The following GJD4 variants were observed in gnomAD, a reference collection of about 807,000 sequenced individuals.
The protein encoded by GJD4 is gap junction protein delta 4.
Under a neutral mutation model 17.9 loss-of-function variants are expected in GJD4, and 18 were observed. The ratio of observed to expected loss-of-function variants is 1.00; its 90% CI spans 0.69 to 1.49. GJD4 has a LOEUF of 1.49. Among genes scored for constraint, GJD4 ranks in the 40% most tolerant of loss-of-function variants. The probability of loss-of-function intolerance (pLI) is 0.00; values close to 1 mark genes in which losing one functional copy is unlikely to be tolerated. For missense variants in GJD4, 639 were observed against 506.9 expected (o/e 1.26, Z -2.50); for synonymous variants, 293 against 236.8 (o/e 1.24, Z -2.18).
Position 35,607,757 on chromosome 10 carries a change from G to A in GJD4, c.244G>A (p.Gly82Ser). 1 of 1,612,336 alleles carries A rather than the reference G, an allele frequency of 6.2e-7. No individual in the cohort carries two copies. Among genetic ancestry groups the A allele is most frequent in the Non-Finnish European group, 8.5e-7 (1 of 1,180,012 alleles). ...VSHLRFWLIQ[G>S]VCVLLPSAVF... The stretch of plus-strand genomic sequence containing the variant: ...TCACCTGCGGTTCTGGCTGATCCAG[G>A]GCGTGTGCGTCCTCCTCCCCTCCGC... The change falls in exon 2 of 2, where the codon GGC becomes AGC. Residue 82 changes from glycine (G) to serine (S), a missense_variant. By Grantham distance (56) the Gly-to-Ser change is moderately conservative. Transcript: ENST00000321660.
rs903929444 is a variant in GJD4, at chr10:35,608,393, G to T, written c.880G>T (p.Asp294Tyr). The change falls in exon 2 of 2, where the codon GAT becomes TAT. Residue 294 changes from aspartate (D) to tyrosine (Y), a missense_variant. By Grantham distance (160) the Asp-to-Tyr change is radical (BLOSUM62 -3). Coordinates refer to ENST00000321660, the MANE Select transcript of GJD4 (RefSeq NM_153368.3). ...VSGHTKIPDE[D>Y]ESEVTSSASE... ...AGGGCACACGAAGATTCCGGATGAG[G>T]ATGAGAGTGAGGTGACATCCTCCGC... 2 of 1,550,864 alleles carry T rather than the reference G, an allele frequency of 1.3e-6. No individual in the cohort carries two copies. The highest frequency in any genetic ancestry group is 1.7e-6 in the Non-Finnish European group (2 of 1,147,622).
In GJD4 at chr10:35,608,671, C is replaced by G; in HGVS notation, c.*45C>G. On this transcript the variant is annotated 3_prime_UTR_variant, in exon 2 of 2. Coordinates refer to ENST00000321660, the MANE Select transcript of GJD4 (RefSeq NM_153368.3). The stretch of plus-strand genomic sequence containing the variant: ...TGCCCCGGGGCTCACGCCTGTAATC[C>G]CAACACTTTGGGAGGCCCAGGCAGG... 7.2e-7 allele frequency: 1 copy of G among 1,392,284 alleles called. No homozygotes were observed. Among genetic ancestry groups the G allele is most frequent in the Non-Finnish European group, 9.5e-7 (1 of 1,050,498 alleles). The allele number at this position is 1,392,284 out of a possible 1,614,324, so 86.2% of individuals were successfully genotyped here.
chr10:35,608,385 C>T lies in GJD4; in HGVS notation c.872C>T (p.Pro291Leu). The change falls in exon 2 of 2, where the codon CCG (proline) becomes CTG (leucine). Residue 291 changes from proline to leucine, a missense_variant. Coordinates refer to ENST00000321660, the MANE Select transcript of GJD4 (RefSeq NM_153368.3). The stretch of plus-strand genomic sequence containing the variant: ...AGGGTGTCAGGGCACACGAAGATTC[C>T]GGATGAGGATGAGAGTGAGGTGACA... ...TSRVSGHTKI[P>L]DEDESEVTSS... 4 of 1,551,608 alleles carry T rather than the reference C, an allele frequency of 2.6e-6. No individual in the cohort carries two copies. The highest frequency in any genetic ancestry group is 3.5e-6 in the Non-Finnish European group (4 of 1,148,078).
At position 35,608,276 on chromosome 10, in the gene GJD4, G is replaced by A; in HGVS notation, c.763G>A (p.Gly255Ser). The A allele has an allele frequency of 6.4e-7, 1 of 1,563,790 alleles. No homozygotes were observed. Among genetic ancestry groups the A allele is most frequent in the Non-Finnish European group, 8.6e-7 (1 of 1,158,988 alleles). ...GGAGGGACGCCGGACTGACGAGGAG[G>A]GTGGGCGGGAGGAAGAGGGGGCACC... The part of the protein sequence containing the change: ...HAEGRRTDEE[G>S]GREEEGAPAP... Residue 255 changes from glycine to serine, a missense_variant, in exon 2 of 2, where the codon GGT (glycine) becomes AGT (serine). By Grantham distance (56) the Gly-to-Ser change is moderately conservative. Coordinates refer to ENST00000321660, the MANE Select transcript of GJD4 (RefSeq NM_153368.3).
Position 35,608,474 on chromosome 10 carries a change from G to T in GJD4, c.961G>T (p.Asp321Tyr). 1.3e-6 allele frequency: 2 copies of T among 1,549,004 alleles called. No homozygotes were observed. The highest frequency in any genetic ancestry group is 1.7e-6 in the Non-Finnish European group (2 of 1,147,058). ...CAGGCCCCACCGAGAGGCCGCCCAG[G>T]ACCCCAGGGGCTCAGGATCCGAGGA... ...RGRPHREAAQDPRGSGSEEQP... is the reference protein window; with the variant it reads ...RGRPHREAAQYPRGSGSEEQP... Residue 321 changes from aspartate to tyrosine, a missense_variant, in exon 2 of 2, where the codon GAC becomes TAC. Asp to Tyr is a radical substitution (Grantham distance 160, BLOSUM62 -3). Coordinates refer to ENST00000321660, the MANE Select transcript of GJD4 (RefSeq NM_153368.3).
In GJD4 at chr10:35,608,437, A is replaced by G; in HGVS notation, c.924A>G (p.Arg308=). The G allele has an allele frequency of 1.3e-6, 2 of 1,548,410 alleles. No individual in the cohort carries two copies. The highest frequency in any genetic ancestry group is 1.7e-6 in the Non-Finnish European group (2 of 1,146,696). The change falls in exon 2 of 2, where the codon AGA becomes AGG. Residue 308 remains arginine (R), a synonymous_variant. Transcript: ENST00000321660. ...CCTCCGCCAGCGAAAAGCTGGGCAG[A>G]CAGCCCCGGGGCAGGCCCCACCGAG... is the stretch of plus-strand genomic sequence containing the variant. The part of the protein sequence containing the change: ...VTSSASEKLG[R]QPRGRPHREA...
chr10:35,607,648 C>G lies in GJD4; in HGVS notation c.135C>G (p.Tyr45Ter). 1 of 1,614,206 alleles carries G rather than the reference C, an allele frequency of 6.2e-7. No individual in the cohort carries two copies. Among genetic ancestry groups the G allele is most frequent in the Admixed American group, 1.7e-5 (1 of 60,034 alleles). ...TTGTCTTGGCGGGGCGACCCGTCTACCAGGACGAGCAGGAGAGGTTTGTCT... is the reference window on the plus strand; with the variant it reads ...TTGTCTTGGCGGGGCGACCCGTCTAGCAGGACGAGCAGGAGAGGTTTGTCT... ...LVIVLAGRPV[Y>*]QDEQERFVCN... Residue 45 changes from tyrosine to a stop codon, truncating the protein, a stop_gained, in exon 2 of 2, where the codon TAC becomes TAG. Coordinates refer to ENST00000321660, the MANE Select transcript of GJD4 (RefSeq NM_153368.3). LOFTEE classifies it low-confidence loss of function (END_TRUNC).
rs1835492633 is a variant in GJD4 at position 35,608,406 on chromosome 10, T to C, written c.893T>C (p.Val298Ala). ...TKIPDEDESEVTSSASEKLGR... is the reference protein window; with the variant it reads ...TKIPDEDESEATSSASEKLGR... ...ATTCCGGATGAGGATGAGAGTGAGG[T>C]GACATCCTCCGCCAGCGAAAAGCTG... Residue 298 changes from valine to alanine, a missense_variant, in exon 2 of 2, where the codon GTG becomes GCG. Val to Ala is a moderately conservative substitution (Grantham distance 64). Transcript: ENST00000321660. 2 of 1,548,984 alleles carry C rather than the reference T, an allele frequency of 1.3e-6. No individual in the cohort carries two copies. The highest frequency in any genetic ancestry group is 1.4e-5 in the African/African-American group (1 of 72,978).
rs1044061563 is a variant in GJD4 at position 35,607,897 on chromosome 10, C to G, written c.384C>G (p.Phe128Leu). 6.3e-7 allele frequency: 1 copy of G among 1,593,492 alleles called. No homozygotes were observed. Among genetic ancestry groups the G allele is most frequent in the East Asian group, 2.3e-5 (1 of 44,184 alleles). Residue 128 changes from phenylalanine to leucine, a missense_variant, in exon 2 of 2, where the codon TTC becomes TTG. Transcript: ENST00000321660. ...ASGQRRCPRP[F>L]GERGGLQVPD... ...GGCAGAGACGCTGCCCGCGGCCATT[C>G]GGGGAGCGCGGCGGCCTCCAGGTGC... is the stretch of plus-strand genomic sequence containing the variant.
Position 35,608,617 on chromosome 10 carries a change from G to A in GJD4, c.1104G>A (p.Glu368=), listed in dbSNP as rs767173433. ...GAPHLRARKS[E]WV ...CCCACCTGAGAGCCAGGAAGTCTGA[G>A]TGGGTGTGAAAAAAACAGCACCTGG... is the stretch of plus-strand genomic sequence containing the variant. Residue 368 remains glutamate, a synonymous_variant, in exon 2 of 2, where the codon GAG becomes GAA. Transcript: ENST00000321660. 9.4e-5 allele frequency: 141 copies of A among 1,493,722 alleles called. No individual in the cohort carries two copies. Among genetic ancestry groups the A allele is most frequent in the Non-Finnish European group, 1.2e-4 (139 of 1,124,768 alleles). The allele number at this position is 1,493,722 out of a possible 1,614,324, so 92.5% of individuals were successfully genotyped here.
At position 35,608,651 on chromosome 10, in the gene GJD4, CG is replaced by C; in HGVS notation, c.*29del. 1 of 1,443,940 alleles carries C rather than the reference CG, an allele frequency of 6.9e-7. No homozygotes were observed. The highest frequency in any genetic ancestry group is 9.1e-7 in the Non-Finnish European group (1 of 1,093,848). The allele number at this position is 1,443,940 out of a possible 1,614,324, so 89.4% of individuals were successfully genotyped here. ...AAAAAAACAGCACCTGGCGGTGCCC[CG>C]GGGCTCACGCCTGTAATCCCAACAC... On this transcript the variant is annotated 3_prime_UTR_variant, in exon 2 of 2. Transcript: ENST00000321660.
In GJD4 at chr10:35,607,783, C is replaced by G; in HGVS notation, c.270C>G (p.Ala90=). Reference sequence around the variant, plus strand: ...GCGTGTGCGTCCTCCTCCCCTCCGCCGTCTTCAGCGTCTATGTCCTGCACC... The same window carrying G: ...GCGTGTGCGTCCTCCTCCCCTCCGCGGTCTTCAGCGTCTATGTCCTGCACC... ...IQGVCVLLPS[A]VFSVYVLHRG... is the part of the protein sequence containing the mutation. Residue 90 remains alanine, a synonymous_variant, in exon 2 of 2, where the codon GCC becomes GCG. Transcript: ENST00000321660. The G allele has an allele frequency of 1.9e-6, 3 of 1,606,712 alleles. No individual in the cohort carries two copies. Among genetic ancestry groups the G allele is most frequent in the Non-Finnish European group, 2.5e-6 (3 of 1,179,972 alleles).
At position 35,608,156 on chromosome 10, in the gene GJD4, G is replaced by C. The variant is rs759509399; in HGVS notation, c.643G>C (p.Asp215His). 1.2e-6 allele frequency: 2 copies of C among 1,605,166 alleles called. No individual in the cohort carries two copies. Among genetic ancestry groups the C allele is most frequent in the South Asian group, 1.1e-5 (1 of 90,184 alleles). The part of the protein sequence containing the change: ...SALSFLLGLA[D>H]LVCSLRRRMR... ...GCTGTCTTTTCTGCTGGGCCTCGCC[G>C]ACCTGGTCTGCAGCCTGCGGCGGCG... The change falls in exon 2 of 2, where the codon GAC (aspartate) becomes CAC (histidine). Residue 215 changes from aspartate to histidine, a missense_variant. Physicochemically the swap from Asp to His is moderately conservative, Grantham distance 81 (BLOSUM62 -1). Transcript: ENST00000321660.
Position 35,605,534 on chromosome 10 carries a change from T to G in GJD4, c.-34T>G. On this transcript the variant is annotated 5_prime_UTR_variant, in exon 1 of 2. Coordinates refer to ENST00000321660, the MANE Select transcript of GJD4 (RefSeq NM_153368.3). ...TTGGAGAACACAGCCCTCCAGTGTCTCCTGCAGCCTGGAGCCTGGGACATT... is the reference window on the plus strand; with the variant it reads ...TTGGAGAACACAGCCCTCCAGTGTCGCCTGCAGCCTGGAGCCTGGGACATT... 1 of 1,577,346 alleles carries G rather than the reference T, an allele frequency of 6.3e-7. No individual in the cohort carries two copies. The highest frequency in any genetic ancestry group is 1.3e-5 in the African/African-American group (1 of 74,384).
Position 35,607,960 on chromosome 10 carries a change from C to G in GJD4, c.447C>G (p.Leu149=), listed in dbSNP as rs1835480871. 2 of 1,611,120 alleles carry G rather than the reference C, an allele frequency of 1.2e-6. No individual in the cohort carries two copies. The highest frequency in any genetic ancestry group is 3.3e-5 in the Admixed American group (2 of 59,980). The change falls in exon 2 of 2, where the codon CTC becomes CTG. Residue 149 remains leucine, a synonymous_variant. Transcript: ENST00000321660. ...FSAGYIIHLL[L]RTLLEAAFGA... is the part of the protein sequence containing the mutation. The stretch of plus-strand genomic sequence containing the variant: ...CCGGCTACATCATCCACCTCCTCCT[C>G]CGGACCCTGCTGGAGGCAGCCTTCG...
chr10:35,608,325 G>T lies in GJD4; in HGVS notation c.812G>T (p.Gly271Val). The change falls in exon 2 of 2, where the codon GGA becomes GTA. Residue 271 changes from glycine (G) to valine (V), a missense_variant. Coordinates refer to ENST00000321660, the MANE Select transcript of GJD4 (RefSeq NM_153368.3). ...GAPAPPGARA[G>V]GEGAGSPRRT... ...CCGGCGCCCCCGGGTGCACGCGCCG[G>T]AGGGGAGGGGGCTGGCAGCCCCAGG... 6.5e-7 allele frequency: 1 copy of T among 1,549,128 alleles called. No homozygotes were observed.
rs1225536760 is a variant in GJD4, at chr10:35,608,644, G to T, written c.*18G>T. ...GGGTGTGAAAAAAACAGCACCTGGC[G>T]GTGCCCCGGGGCTCACGCCTGTAAT... is the stretch of plus-strand genomic sequence containing the variant. On this transcript the variant is annotated 3_prime_UTR_variant, in exon 2 of 2. Coordinates refer to ENST00000321660, the MANE Select transcript of GJD4 (RefSeq NM_153368.3). 23 of 1,454,654 alleles carry T rather than the reference G, an allele frequency of 1.6e-5. No individual in the cohort carries two copies. Among genetic ancestry groups the T allele is most frequent in the Non-Finnish European group, 2.1e-5 (23 of 1,101,852 alleles). 90.1% of individuals were successfully genotyped at this position (1,454,654 alleles called of 1,614,324 possible). A position where few individuals can be genotyped will look rare whatever the true frequency, so the allele number is the denominator to read the frequency against.
At position 35,608,152 on chromosome 10, in the gene GJD4, C is replaced by G. The variant is rs765570077; in HGVS notation, c.639C>G (p.Leu213=). Residue 213 remains leucine (L), a synonymous_variant, in exon 2 of 2, where the codon CTC becomes CTG. Transcript: ENST00000321660. ...GCGCGCTGTCTTTTCTGCTGGGCCT[C>G]GCCGACCTGGTCTGCAGCCTGCGGC... ...AVSALSFLLG[L]ADLVCSLRRR... 7 of 1,606,172 alleles carry G rather than the reference C, an allele frequency of 4.4e-6. No homozygotes were observed. The African/African-American group carries it at 9.4e-5, about 21-fold the overall frequency.
In GJD4 at chr10:35,605,409, C is replaced by T; in HGVS notation, c.-159C>T. The T allele has an allele frequency of 1.5e-6, 1 of 676,334 alleles. No individual in the cohort carries two copies. Among genetic ancestry groups the T allele is most frequent in the Non-Finnish European group, 2.6e-6 (1 of 379,272 alleles). 41.9% of individuals were successfully genotyped at this position (676,334 alleles called of 1,614,324 possible). A position where few individuals can be genotyped will look rare whatever the true frequency, so the allele number is the denominator to read the frequency against. ...GCTTAGGGCCGTCTCAACTTGGAGACAGAAAAACCCACCTCCTACTCCTGG... is the reference window on the plus strand; with the variant it reads ...GCTTAGGGCCGTCTCAACTTGGAGATAGAAAAACCCACCTCCTACTCCTGG... On this transcript the variant is annotated 5_prime_UTR_variant, in exon 1 of 2. An upstream open reading frame in the 5' UTR gains an earlier in-frame stop. Transcript: ENST00000321660.
Sources: gnomAD v4.1 joint callset for allele counts on GRCh38, gnomAD v4.1.1 for gene constraint, MANE v1.5 for transcripts, NCBI Gene and HGNC (gene_info 2026-07-23, HGNC 2026-07-21) for gene names.